Variants in FBXW2 observed in about 807,000 individuals in gnomAD.
FBXW2 encodes F-box and WD repeat domain containing 2, also known as F-box/WD repeat-containing protein 2.
FBXW2 carries 12 observed loss-of-function variants against 46.0 expected under a neutral mutation model. The ratio of observed to expected loss-of-function variants is 0.26; its 90% CI spans 0.17 to 0.42. FBXW2 has a LOEUF of 0.42. Ranked by LOEUF, FBXW2 falls within the 10% of genes least tolerant of loss-of-function variation. The pLI is 1.00. For synonymous variants in FBXW2, 203 were observed against 209.6 expected (o/e 0.97, Z 0.27); for missense variants, 360 against 537.0 (o/e 0.67, Z 3.26).
chr9:120,793,130 T>C lies in FBXW2; in HGVS notation c.-21+19A>G. 1.5e-6 allele frequency: 1 copy of C among 667,712 alleles called. No individual in the cohort carries two copies. Among genetic ancestry groups the C allele is most frequent in the Non-Finnish European group, 2.6e-6 (1 of 386,358 alleles). 41.4% of individuals were successfully genotyped at this position (667,712 alleles called of 1,614,324 possible). A position where few individuals can be genotyped will look rare whatever the true frequency, so the allele number is the denominator to read the frequency against. ...CCCAGGTCCCTTGCTCTCGGAATCG[T>C]GTTCCGCGCGGCACTGACCTGAGCG... On this transcript the variant is annotated intron_variant, in intron 2 of 7. Transcript: ENST00000608872.
At chr9:120,789,281 G>A (rs1428707291) in intron 2 of FBXW2, among the ~76,000 whole-genome samples, 2 of 152,124 alleles carry the variant, frequency 1.3e-5, no homozygotes, top group African/African-American at 4.8e-5. Flanking sequence ...ACGACCAAGT[G>A]GTAAGATCTG....
chr9:120,759,376 T>A lies in FBXW2; in HGVS notation c.*5183A>T, dbSNP rs1467385271. ...TATGATGCAAGAAAATAACTTCTCA[T>A]CTTAGAGACATCTTGTTCCACAATC... On this transcript the variant is annotated 3_prime_UTR_variant, in exon 8 of 8. Coordinates refer to ENST00000608872, the MANE Select transcript of FBXW2 (RefSeq NM_012164.4). 6.6e-6 allele frequency: 1 copy of A among 152,194 alleles called. No individual in the cohort carries two copies. Among genetic ancestry groups the A allele is most frequent in the Non-Finnish European group, 1.5e-5 (1 of 68,032 alleles). The allele number at this position is 152,194 out of a possible 1,614,324, so 9.4% of individuals were successfully genotyped here. A position where few individuals can be genotyped will look rare whatever the true frequency, so the allele number is the denominator to read the frequency against.
At chr9:120,777,159 A>T (rs1401301580) in intron 4 of FBXW2, among the ~76,000 whole-genome samples, 4 of 152,248 alleles carry the variant, frequency 2.6e-5, no homozygotes, top group Non-Finnish European at 5.9e-5. Flanking sequence ...GGGTTCTCAA[A>T]GTTGATCAGG....
In FBXW2 at chr9:120,766,495, T is replaced by G. The variant is rs537531092; in HGVS notation, c.1077-1648A>C. Among the ~76,000 whole-genome samples the G allele has an allele frequency of 2.0e-5, 3 of 152,346 alleles. No homozygotes were observed. The South Asian group carries it at 6.2e-4, about 32-fold the overall frequency. Reference sequence around the variant, plus strand: ...TTTATTTATTTATTGAGATGGAGTCTCGCTCTGTCACCAGGCTGGAGTGCA... The same window carrying G: ...TTTATTTATTTATTGAGATGGAGTCGCGCTCTGTCACCAGGCTGGAGTGCA... On this transcript the variant is annotated intron_variant, in intron 7 of 7. Transcript: ENST00000608872.
At chr9:120,766,756 A>C (rs530314325) in intron 7 of FBXW2, among the ~76,000 whole-genome samples, 1 of 152,254 alleles carries the variant, frequency 6.6e-6, no homozygotes, top group East Asian at 1.9e-4. Context: ...CACTGCACCC[A>C]GCGTGTTATC....
At chr9:120,775,827 A>AT (rs568131736) in intron 5 of FBXW2, among the ~76,000 whole-genome samples, 2 of 152,038 alleles carry the variant, frequency 1.3e-5, no homozygotes, top group South Asian at 2.1e-4. Flanking sequence ...CACTCTACAT[A>AT]TTTTTTTGTA....
In FBXW2 at chr9:120,772,827, T is replaced by C. The variant is rs2044408079; in HGVS notation, c.833A>G (p.Lys278Arg). ...GTGCAAGAGAGACTTGACTTTGCACTTCTGCAAAACTACCTGCAAATGTAA... is the reference window on the plus strand; with the variant it reads ...GTGCAAGAGAGACTTGACTTTGCACCTCTGCAAAACTACCTGCAAATGTAA... ...TEWVTKVVLQKCKVKSLLHSP... is the reference protein window; with the variant it reads ...TEWVTKVVLQRCKVKSLLHSP... Residue 278 changes from lysine (K) to arginine (R), a missense_variant, in exon 6 of 8, where the codon AAG becomes AGG. By Grantham distance (26) the Lys-to-Arg change is conservative. Transcript: ENST00000608872. 6.2e-7 allele frequency: 1 copy of C among 1,611,568 alleles called. No homozygotes were observed. Among genetic ancestry groups the C allele is most frequent in the South Asian group, 1.1e-5 (1 of 90,888 alleles).
chr9:120,765,451 A>G (rs976943417), intron 7 of FBXW2, among the ~76,000 whole-genome samples: 12 of 152,212 alleles, frequency 7.9e-5, no homozygotes, highest in Admixed American at 7.2e-4. Flanking sequence ...GATCTTACAG[A>G]TAACATTTAA....
In FBXW2 at chr9:120,760,053, C is replaced by T. The variant is rs2044173805; in HGVS notation, c.*4506G>A. ...TGGGCATTGTGTCAAAAAAGTGAATCTGTTCTTTTCATCAGACATTCTGAG... is the reference window on the plus strand; with the variant it reads ...TGGGCATTGTGTCAAAAAAGTGAATTTGTTCTTTTCATCAGACATTCTGAG... On this transcript the variant is annotated 3_prime_UTR_variant, in exon 8 of 8. Transcript: ENST00000608872. The T allele has an allele frequency of 2.6e-5, 4 of 152,236 alleles. No homozygotes were observed. The highest frequency in any genetic ancestry group is 9.6e-5 in the African/African-American group (4 of 41,460). The allele number at this position is 152,236 out of a possible 1,614,324, so 9.4% of individuals were successfully genotyped here.
Position 120,788,078 on chromosome 9 carries a change from G to T in FBXW2, c.181C>A (p.Pro61Thr), listed in dbSNP as rs1375430977. 1.2e-6 allele frequency: 2 copies of T among 1,614,056 alleles called. No individual in the cohort carries two copies. The highest frequency in any genetic ancestry group is 1.7e-6 in the Non-Finnish European group (2 of 1,180,034). ...AACAAATAAAAACTGAGCTCCAGGG[G>T]AAGGAGTTTGAGGAAGTCCCGCTTG... is the stretch of plus-strand genomic sequence containing the variant. ...LLKRDFLKLL[P>T]LELSFYLLKW... Residue 61 changes from proline (P) to threonine (T), a missense_variant, in exon 3 of 8, where the codon CCC becomes ACC. By Grantham distance (38) the Pro-to-Thr change is conservative. Coordinates refer to ENST00000608872, the MANE Select transcript of FBXW2 (RefSeq NM_012164.4).
intron 2 of FBXW2, chr9:120,792,909 A>C: frequency 1.3e-6 from 2 of 1,526,590 alleles, no homozygotes; most frequent in Non-Finnish European, 1.8e-6. Flanking sequence ...CATACCCACA[A>C]TTATGGCGCA....
chr9:120,792,073 T>A (rs993832407), intron 2 of FBXW2, among the ~76,000 whole-genome samples: 11 of 152,188 alleles, frequency 7.2e-5, no homozygotes, highest in East Asian at 1.9e-4. Flanking sequence ...ATGGAAGGTA[T>A]CAGTAATGCC....
intron 3 of FBXW2, among the ~76,000 whole-genome samples, chr9:120,781,614 A>T (rs1027977979): frequency 6.6e-6 from 1 of 150,726 alleles, no homozygotes; most frequent in Non-Finnish European, 1.5e-5. Flanking sequence ...TGACACATAC[A>T]TGGAATATAT....
chr9:120,760,792 G>C lies in FBXW2; in HGVS notation c.*3767C>G, dbSNP rs1439881631. On this transcript the variant is annotated 3_prime_UTR_variant, in exon 8 of 8. Coordinates refer to ENST00000608872, the MANE Select transcript of FBXW2 (RefSeq NM_012164.4). ...CCACTATCCTTAGCTGATTCTGTTAGATCAAAATGCCTAATACAAACAATT... is the reference window on the plus strand; with the variant it reads ...CCACTATCCTTAGCTGATTCTGTTACATCAAAATGCCTAATACAAACAATT... 1.3e-5 allele frequency: 2 copies of C among 152,196 alleles called. No individual in the cohort carries two copies. The highest frequency in any genetic ancestry group is 4.8e-5 in the African/African-American group (2 of 41,456). The allele number at this position is 152,196 out of a possible 1,614,324, so 9.4% of individuals were successfully genotyped here.
At chr9:120,782,919 T>A (rs2131354525) in intron 3 of FBXW2, among the ~76,000 whole-genome samples, 1 of 152,310 alleles carries the variant, frequency 6.6e-6, no homozygotes, top group South Asian at 2.1e-4. Flanking sequence ...TATTATATAC[T>A]GTTTATACAG....
chr9:120,793,248 G>T lies in FBXW2; in HGVS notation c.-120C>A. On this transcript the variant is annotated 5_prime_UTR_variant, in exon 2 of 8. In the 5' UTR this introduces an upstream ATG that the reference lacks. Transcript: ENST00000608872. The stretch of plus-strand genomic sequence containing the variant: ...TTGCAGCGGCCGGGTCCGCTCCGCA[G>T]CCATGGCGCCTGCAGGGAAAGAAAA... 2.1e-6 allele frequency: 1 copy of T among 479,298 alleles called. No homozygotes were observed. Among genetic ancestry groups the T allele is most frequent in the East Asian group, 3.4e-5 (1 of 29,678 alleles). 29.7% of individuals were successfully genotyped at this position (479,298 alleles called of 1,614,324 possible).
chr9:120,766,541 T>A (rs1448219445), intron 7 of FBXW2, among the ~76,000 whole-genome samples: 1 of 152,186 alleles, frequency 6.6e-6, no homozygotes. Context: ...CTCGGCTCAC[T>A]GCAACTTCCA....
At chr9:120,775,992 A>T in intron 5 of FBXW2, 101 bp downstream of exon 5, 1 of 1,420,558 alleles carries the variant, frequency 7.0e-7, no homozygotes, top group Non-Finnish European at 9.6e-7. Flanking sequence ...CAGCAATTCC[A>T]TCTTATGACT....
At chr9:120,775,063 C>CT (rs112751525) in intron 5 of FBXW2, among the ~76,000 whole-genome samples, 1,614 of 146,326 alleles carry the variant, frequency 0.011, 22 homozygotes, top group African/African-American at 0.03. Context: ...CTTTCCTATA[C>CT]TTTTTTTTTT....
Sources: allele counts gnomAD v4.1 joint callset (sites outside exome capture counted in the v4.1 genomes callset), GRCh38; gene constraint gnomAD v4.1.1; transcripts MANE v1.5; gene names NCBI Gene and HGNC (gene_info 2026-07-23, HGNC 2026-07-21).